Variants in MLLT3 observed in about 807,000 individuals in gnomAD.
MLLT3 encodes MLLT3 super elongation complex subunit.
In MLLT3, 4 loss-of-function variants were observed where a neutral mutation model predicts 53.2. The ratio of observed to expected loss-of-function variants is 0.08; its 90% CI spans 0.04 to 0.17. The LOEUF is 0.17. Ranked by LOEUF, MLLT3 falls within the 10% of genes least tolerant of loss-of-function variation. MLLT3 has a pLI of 1.00. For synonymous variants in MLLT3, 283 were observed against 230.6 expected (o/e 1.23, Z -2.06); for missense variants, 569 against 684.0 (o/e 0.83, Z 1.87).
At chr9:20,544,661 G>A (rs1027111173) in intron 2 of MLLT3, among the ~76,000 whole-genome samples, 9 of 152,174 alleles carry the variant, frequency 5.9e-5, no homozygotes, top group Non-Finnish European at 2.9e-5. Flanking sequence ...GAGCTGCTAT[G>A]GAAAACACTA....
Position 20,346,379 on chromosome 9 carries a change from C to CG in MLLT3, c.*63_*64insC. On this transcript the variant is annotated 3_prime_UTR_variant, in exon 11 of 11. Coordinates refer to ENST00000380338, the MANE Select transcript of MLLT3 (RefSeq NM_004529.4). ...AACAACAAGAACAAAAAATCACAAC[C>CG]AAAAAAAAAAAAAACCAAAAAAAAA... 3.1e-6 allele frequency: 3 copies of CG among 982,276 alleles called. No individual in the cohort carries two copies. Among genetic ancestry groups the CG allele is most frequent in the Non-Finnish European group, 3.9e-6 (3 of 760,718 alleles). The allele number at this position is 982,276 out of a possible 1,614,324, so 60.8% of individuals were successfully genotyped here.
chr9:20,511,226 G>A (rs1174219416), intron 2 of MLLT3, among the ~76,000 whole-genome samples: 1 of 151,910 alleles, frequency 6.6e-6, no homozygotes, highest in Non-Finnish European at 1.5e-5. Flanking sequence ...GGGTGACTGA[G>A]TTATAAAACT....
chr9:20,435,330 C>T (rs1391942608), intron 4 of MLLT3, among the ~76,000 whole-genome samples: 2 of 152,084 alleles, frequency 1.3e-5, no homozygotes, highest in African/African-American at 4.8e-5. Context: ...AGGTGCTCAC[C>T]ACCACACCCA....
At chr9:20,444,915 G>A (rs1410380540) in intron 4 of MLLT3, among the ~76,000 whole-genome samples, 2 of 150,420 alleles carry the variant, frequency 1.3e-5, no homozygotes, top group East Asian at 3.9e-4. Flanking sequence ...AACACAGTAA[G>A]ACCCTGTCTC....
At chr9:20,350,419 C>A (rs1407090215) in intron 10 of MLLT3, among the ~76,000 whole-genome samples, 1 of 151,796 alleles carries the variant, frequency 6.6e-6, no homozygotes, top group Non-Finnish European at 1.5e-5. Context: ...AACGGTGAAA[C>A]CCCGTCTCTA....
At chr9:20,360,638 G>A (rs1000368783) in intron 8 of MLLT3, 104 bp downstream of exon 8, 12 of 899,324 alleles carry the variant, frequency 1.3e-5, no homozygotes, top group Non-Finnish European at 2.0e-5. Context: ...TTGGCATCAA[G>A]AGGAAGTTTG....
intron 2 of MLLT3, among the ~76,000 whole-genome samples, chr9:20,610,864 G>A (rs1202153880): frequency 2.0e-5 from 3 of 152,114 alleles, no homozygotes; most frequent in African/African-American, 4.8e-5. Context: ...CATACAACAA[G>A]CATCAGACAA....
intron 2 of MLLT3, among the ~76,000 whole-genome samples, chr9:20,580,983 G>A (rs1273873836): frequency 2.0e-5 from 3 of 152,278 alleles, no homozygotes; most frequent in African/African-American, 7.2e-5. Context: ...AAGCTACACT[G>A]CATTTGGTAA....
intron 2 of MLLT3, among the ~76,000 whole-genome samples, chr9:20,561,102 G>C (rs147670752): frequency 5.7e-4 from 87 of 152,230 alleles, no homozygotes; most frequent in Non-Finnish European, 9.7e-4. Context: ...GCTGCCTCCT[G>C]TACTTTTCTC....
At chr9:20,588,157 T>C (rs1222246019) in intron 2 of MLLT3, among the ~76,000 whole-genome samples, 1 of 152,114 alleles carries the variant, frequency 6.6e-6, no homozygotes, top group Non-Finnish European at 1.5e-5. Flanking sequence ...GTTGTAGATA[T>C]GCGGCGTTAT....
intron 2 of MLLT3, among the ~76,000 whole-genome samples, chr9:20,502,882 A>G (rs1825283128): frequency 6.6e-6 from 1 of 152,238 alleles, no homozygotes; most frequent in Non-Finnish European, 1.5e-5. Context: ...TTTTTCAAAC[A>G]TCAGTAGCAT....
At chr9:20,407,990 G>T (rs1822626831) in intron 5 of MLLT3, among the ~76,000 whole-genome samples, 1 of 152,122 alleles carries the variant, frequency 6.6e-6, no homozygotes, top group African/African-American at 2.4e-5. Context: ...AAATGCATAG[G>T]TCATAAAGCA....
At chr9:20,465,883 C>G (rs1824226230) in intron 2 of MLLT3, among the ~76,000 whole-genome samples, 1 of 152,096 alleles carries the variant, frequency 6.6e-6, no homozygotes, top group Non-Finnish European at 1.5e-5. Context: ...ACAGTTTATA[C>G]AGGGTACATA....
At position 20,621,000 on chromosome 9, in the gene MLLT3, C is replaced by T. The variant is rs993965462; in HGVS notation, c.13-166G>A. ...CGCGCGTGGGCGCGCACACTCCACA[C>T]CCCCAAATATACCCGCCCGCCCGGC... On this transcript the variant is annotated intron_variant, in intron 1 of 10. Coordinates refer to ENST00000380338, the MANE Select transcript of MLLT3 (RefSeq NM_004529.4). The surrounding 1 kb of genome is among the most constrained non-coding windows in gnomAD (Gnocchi z 6.1). 9.3e-6 allele frequency: 8 copies of T among 858,018 alleles called. No individual in the cohort carries two copies. Among genetic ancestry groups the T allele is most frequent in the East Asian group, 7.9e-5 (3 of 37,760 alleles). The allele number at this position is 858,018 out of a possible 1,614,324, so 53.2% of individuals were successfully genotyped here.
At chr9:20,552,821 G>A (rs991894940) in intron 2 of MLLT3, among the ~76,000 whole-genome samples, 6 of 152,064 alleles carry the variant, frequency 3.9e-5, no homozygotes, top group East Asian at 1.9e-4. Flanking sequence ...AAAATCCCAC[G>A]TAGAATCTAC....
intron 4 of MLLT3, among the ~76,000 whole-genome samples, chr9:20,430,184 G>A (rs76189965): frequency 0.024 from 3,633 of 152,158 alleles, 149 homozygotes; most frequent in African/African-American, 0.082. Context: ...ATACTTTAAA[G>A]ACATTAAATA....
At chr9:20,613,516 T>C (rs903502214) in intron 2 of MLLT3, among the ~76,000 whole-genome samples, 2 of 152,020 alleles carry the variant, frequency 1.3e-5, no homozygotes, top group African/African-American at 2.4e-5. Flanking sequence ...TAAGATAATA[T>C]GTAAACATTT....
chr9:20,441,711 CA>C (rs1823559976), intron 4 of MLLT3, among the ~76,000 whole-genome samples: 1 of 152,016 alleles, frequency 6.6e-6, no homozygotes, highest in South Asian at 2.1e-4. Flanking sequence ...AGAAAATAAT[CA>C]AAAAGGTACT....
At chr9:20,437,494 AAAGAAGCTC>A (rs1176871186) in intron 4 of MLLT3, among the ~76,000 whole-genome samples, 1 of 152,164 alleles carries the variant, frequency 6.6e-6, no homozygotes, top group African/African-American at 2.4e-5. Flanking sequence ...ATAGAGAAGT[AAAGAAGCTC>A]AAGAAACCTG....
Sources: gnomAD v4.1 joint callset for allele counts (sites outside exome capture counted in the v4.1 genomes callset) on GRCh38, gnomAD v4.1.1 for gene constraint, Gnocchi (gnomAD v3.1) non-coding constraint, MANE v1.5 for transcripts, NCBI Gene and HGNC (gene_info 2026-07-23, HGNC 2026-07-21) for gene names.